The following GPC6 variants were observed in gnomAD, a reference collection of about 807,000 sequenced individuals.
GPC6 encodes the protein glypican 6, also known as glypican-6.
In GPC6, 14 loss-of-function variants were observed where a neutral mutation model predicts 55.2. That is an observed-to-expected ratio of 0.25 (90% CI 0.17 to 0.40). GPC6 has a LOEUF of 0.40. Among genes scored for constraint, GPC6 ranks in the 10% least tolerant of loss-of-function variants. The pLI is 1.00. For missense variants in GPC6, 641 were observed against 708.5 expected (o/e 0.90, Z 1.08); for synonymous variants, 278 against 259.6 (o/e 1.07, Z -0.68).
intron 1 of GPC6, among the ~76,000 whole-genome samples, chr13:93,516,038 C>A (rs1442445367): frequency 1.3e-5 from 2 of 152,128 alleles, no homozygotes; most frequent in Non-Finnish European, 2.9e-5. Context: ...AGATCGACAG[C>A]TTTTCTTGCA....
At chr13:93,258,858 G>A (rs1877041299) in intron 1 of GPC6, among the ~76,000 whole-genome samples, 1 of 152,168 alleles carries the variant, frequency 6.6e-6, no homozygotes, top group South Asian at 2.1e-4. Flanking sequence ...GCTTAGCTGG[G>A]AGGATCCCTT....
At chr13:93,557,196 A>G (rs563944323) in intron 2 of GPC6, among the ~76,000 whole-genome samples, 2 of 152,322 alleles carry the variant, frequency 1.3e-5, no homozygotes, top group East Asian at 3.9e-4. Context: ...TAAAATGAAA[A>G]GTAGAATACA....
intron 2 of GPC6, among the ~76,000 whole-genome samples, chr13:93,561,003 C>G (rs1218428775): frequency 6.6e-6 from 1 of 152,006 alleles, no homozygotes; most frequent in African/African-American, 2.4e-5. Flanking sequence ...TGTGAAATAC[C>G]TTAACCTCAC....
At chr13:93,539,290 A>C (rs919920733) in intron 1 of GPC6, among the ~76,000 whole-genome samples, 18 of 152,260 alleles carry the variant, frequency 1.2e-4, no homozygotes, top group Admixed American at 7.2e-4. Flanking sequence ...TGGGTATCAT[A>C]ATCACTTTGG....
In GPC6 at chr13:93,545,496, TA is replaced by T. The variant is rs956171630; in HGVS notation, c.319+76del. The T allele has an allele frequency of 9.4e-6, 12 of 1,280,758 alleles. No homozygotes were observed. The Admixed American group carries it at 1.9e-4, about 20-fold the overall frequency. The allele number at this position is 1,280,758 out of a possible 1,614,324, so 79.3% of individuals were successfully genotyped here. The stretch of plus-strand genomic sequence containing the variant: ...GAGAATCTTGGTATCATATGAAAAA[TA>T]TTTTTTTAAAAAGGGAGCTTTTCTA... On this transcript the variant is annotated intron_variant, in intron 2 of 8. Transcript: ENST00000377047.
At chr13:94,401,933 G>GATTC (rs1042149041) in intron 8 of GPC6, among the ~76,000 whole-genome samples, 1 of 150,164 alleles carries the variant, frequency 6.7e-6, no homozygotes, top group African/African-American at 2.5e-5. Context: ...CCCTATGATT[G>GATTC]ATTGATTGAT....
intron 2 of GPC6, among the ~76,000 whole-genome samples, chr13:93,698,485 C>A (rs370414214): frequency 3.1e-5 from 1 of 32,442 alleles, no homozygotes. Flanking sequence ...CTGTGTGGGT[C>A]TTTTTTTTTT....
chr13:94,400,912 C>T (rs73553858), intron 8 of GPC6, among the ~76,000 whole-genome samples: 2,103 of 152,232 alleles, frequency 0.014, 55 homozygotes, highest in African/African-American at 0.048. Flanking sequence ...GGTGAGGAAA[C>T]GGAGCCTCAG....
chr13:93,276,908 T>C (rs1467989284), intron 1 of GPC6, among the ~76,000 whole-genome samples: 1 of 152,210 alleles, frequency 6.6e-6, no homozygotes, highest in Non-Finnish European at 1.5e-5. Context: ...AAAGAATTTC[T>C]ATTTTCTGTC....
At chr13:94,086,031 CT>C (rs1300344395) in intron 4 of GPC6, among the ~76,000 whole-genome samples, 4 of 152,086 alleles carry the variant, frequency 2.6e-5, no homozygotes, top group Middle Eastern at 3.4e-3. Flanking sequence ...GTTCTTTTCT[CT>C]TTTTTTCTTT....
In GPC6 at chr13:93,467,359, C is replaced by A. The variant is rs558380071; in HGVS notation, c.161-77904C>A. Among the ~76,000 whole-genome samples, 56 of 152,186 alleles carry A rather than the reference C, an allele frequency of 3.7e-4. 2 individuals are homozygous for A. Among genetic ancestry groups the A allele is most frequent in the African/African-American group, 1.3e-3 (53 of 41,528 alleles). ...TGTGATTCCTGAGTATGGTGACTTACAAATGGTATGCACCAGGAGGGTGGT... is the reference window on the plus strand; with the variant it reads ...TGTGATTCCTGAGTATGGTGACTTAAAAATGGTATGCACCAGGAGGGTGGT... On this transcript the variant is annotated intron_variant, in intron 1 of 8. Transcript: ENST00000377047.
At chr13:93,682,033 T>G (rs1241152897) in intron 2 of GPC6, among the ~76,000 whole-genome samples, 1 of 152,160 alleles carries the variant, frequency 6.6e-6, no homozygotes, top group Non-Finnish European at 1.5e-5. Flanking sequence ...ATATTTTGTT[T>G]AGAAAATATT....
chr13:93,584,495 A>G (rs1264453014), intron 2 of GPC6, among the ~76,000 whole-genome samples: 1 of 152,078 alleles, frequency 6.6e-6, no homozygotes. Context: ...GTGTCTGTGT[A>G]TGCATCTGTT....
chr13:94,374,117 A>G (rs945296816), intron 6 of GPC6, among the ~76,000 whole-genome samples: 15 of 152,304 alleles, frequency 9.8e-5, no homozygotes, highest in African/African-American at 3.6e-4. Context: ...ATCATGCCAA[A>G]GTGTAAAGAC....
chr13:93,421,768 G>A (rs1876931958), intron 1 of GPC6, among the ~76,000 whole-genome samples: 1 of 152,144 alleles, frequency 6.6e-6, no homozygotes, highest in African/African-American at 2.4e-5. Context: ...GCATGTAGTT[G>A]TTCTGACCAG....
chr13:94,129,837 C>G (rs1886947193), intron 4 of GPC6, among the ~76,000 whole-genome samples: 1 of 152,052 alleles, frequency 6.6e-6, no homozygotes, highest in Non-Finnish European at 1.5e-5. Context: ...TATGTTGACT[C>G]AAAGGCCACA....
intron 1 of GPC6, among the ~76,000 whole-genome samples, chr13:93,246,621 C>A (rs1487977752): frequency 1.3e-5 from 2 of 151,600 alleles, no homozygotes; most frequent in Admixed American, 6.6e-5. Context: ...CACGGTGAAA[C>A]CTCGTCTCTA....
chr13:94,300,860 G>T (rs1245656368), intron 5 of GPC6, among the ~76,000 whole-genome samples: 1 of 152,136 alleles, frequency 6.6e-6, no homozygotes, highest in African/African-American at 2.4e-5. Context: ...GTTGTAAAAA[G>T]AAGCCCTTTA....
intron 4 of GPC6, among the ~76,000 whole-genome samples, chr13:94,230,945 G>T (rs1384406663): frequency 1.3e-5 from 2 of 152,070 alleles, no homozygotes; most frequent in Admixed American, 6.6e-5. Context: ...AAGCCAGAAA[G>T]GGTCAGGCTT....
Sources: allele counts gnomAD v4.1 joint callset (sites outside exome capture counted in the v4.1 genomes callset), GRCh38; gene constraint gnomAD v4.1.1; transcripts MANE v1.5; gene names NCBI Gene and HGNC (gene_info 2026-07-23, HGNC 2026-07-21).